The following RNF220 variants were observed in gnomAD, a reference collection of about 807,000 sequenced individuals.
The protein encoded by RNF220 is ring finger protein 220, also known as E3 ubiquitin-protein ligase RNF220.
Under a neutral mutation model 67.1 loss-of-function variants are expected in RNF220, and 7 were observed. That is an observed-to-expected ratio of 0.10 (90% confidence interval 0.06 to 0.20). The LOEUF (loss-of-function observed/expected upper bound fraction) is 0.20. RNF220 is among the 10% of genes least tolerant of loss of function. The probability of loss-of-function intolerance (pLI) is 1.00; values close to 1 mark genes in which losing one functional copy is unlikely to be tolerated. For synonymous variants in RNF220, 270 were observed against 283.2 expected (o/e 0.95, Z 0.47); for missense variants, 565 against 740.3 (o/e 0.76, Z 2.75).
At chr1:44,491,065 A>G (rs1656812004) in intron 2 of RNF220, among the ~76,000 whole-genome samples, 1 of 152,202 alleles carries the variant, frequency 6.6e-6, no homozygotes. Context: ...GACCTATAAC[A>G]ATTAAGGAAA....
At chr1:44,646,621 A>C (rs1386886099) in intron 12 of RNF220, among the ~76,000 whole-genome samples, 1 of 152,222 alleles carries the variant, frequency 6.6e-6, no homozygotes, top group Admixed American at 6.5e-5. Flanking sequence ...TAAATCAGAA[A>C]GACAAGATCA....
In RNF220 at chr1:44,624,033, T is replaced by C. The variant is rs1643878089; in HGVS notation, c.804+1246T>C. ...CTTTCAAAGGTATAGGAATGGATCG[T>C]GTACCTTCGTTTAGAAAACTGCTCA... On this transcript the variant is annotated intron_variant, in intron 4 of 14. Coordinates refer to ENST00000361799, the MANE Select transcript of RNF220 (RefSeq NM_018150.4). The surrounding 1 kb of genome is among the most constrained non-coding windows in gnomAD (Gnocchi z 4.2). 2.0e-5 allele frequency among the ~76,000 whole-genome samples: 3 copies of C among 152,224 alleles called. No individual in the cohort carries two copies. In the South Asian group the frequency reaches 6.2e-4, roughly 32 times the overall value.
At chr1:44,628,662 G>T (rs1390414114) in intron 5 of RNF220, among the ~76,000 whole-genome samples, 1 of 152,218 alleles carries the variant, frequency 6.6e-6, no homozygotes, top group African/African-American at 2.4e-5. Flanking sequence ...TACTGTCCAT[G>T]AATCCTATGG....
rs1007060686 is a variant in RNF220, at chr1:44,427,868, G to A, written c.625+15146G>A. The stretch of plus-strand genomic sequence containing the variant: ...TGTTAGCTATAATTAATATGATAAG[G>A]GGTTGGGCACAGATTTGAGGTCTCT... On this transcript the variant is annotated intron_variant, in intron 2 of 14. Transcript: ENST00000361799. Among the ~76,000 whole-genome samples the A allele has an allele frequency of 5.3e-5, 8 of 152,228 alleles. No homozygotes were observed. The Middle Eastern group carries it at 0.01, about 194-fold the overall frequency.
chr1:44,552,847 G>A (rs1247700046), intron 2 of RNF220, among the ~76,000 whole-genome samples: 1 of 152,038 alleles, frequency 6.6e-6, no homozygotes, highest in East Asian at 1.9e-4. Flanking sequence ...GGGATTACAG[G>A]CGTGAGCCAC....
In RNF220 at chr1:44,615,794, G is replaced by A. The variant is rs1020999400; in HGVS notation, c.758+1497G>A. ...AGGAAGAAATATTTAGTCATCTATC[G>A]CTGTGTTACAAACTACCCTAAAACC... On this transcript the variant is annotated intron_variant, in intron 3 of 14. Transcript: ENST00000361799. Among the ~76,000 whole-genome samples the A allele has an allele frequency of 3.9e-5, 6 of 152,288 alleles. No individual in the cohort carries two copies. The East Asian group carries it at 5.8e-4, about 15-fold the overall frequency.
intron 1 of RNF220, among the ~76,000 whole-genome samples, chr1:44,410,149 G>T (rs1647822732): frequency 2.0e-5 from 3 of 151,676 alleles, no homozygotes; most frequent in Admixed American, 1.3e-4. Context: ...ATCCTGGGGG[G>T]GGTCGTATTT....
intron 2 of RNF220, among the ~76,000 whole-genome samples, chr1:44,510,563 C>A (rs1658903674): frequency 6.6e-6 from 1 of 152,172 alleles, no homozygotes; most frequent in South Asian, 2.1e-4. Flanking sequence ...CTGACTCTTA[C>A]CCCTCCTTCC....
intron 7 of RNF220, 114 bp from the exon 8 acceptor site, chr1:44,635,916 T>C (rs1557466099): frequency 1.3e-6 from 2 of 1,542,996 alleles, no homozygotes; most frequent in South Asian, 1.2e-5. Flanking sequence ...GCCCTAGAGC[T>C]GAGGGCCCAC....
rs115638833 is a variant in RNF220 at position 44,531,362 on chromosome 1, T to C, written c.626-82803T>C. Reference sequence around the variant, plus strand: ...CTTGTCCTTTCTACCTGTTGTCCTGTTATTTCCCTTTTCCATCTAGGAAGA... The same window carrying C: ...CTTGTCCTTTCTACCTGTTGTCCTGCTATTTCCCTTTTCCATCTAGGAAGA... On this transcript the variant is annotated intron_variant, in intron 2 of 14. Transcript: ENST00000361799. 2.8e-3 allele frequency among the ~76,000 whole-genome samples: 421 copies of C among 152,350 alleles called. 2 individuals carry two copies. The highest frequency in any genetic ancestry group is 9.0e-3 in the African/African-American group (374 of 41,572).
intron 2 of RNF220, among the ~76,000 whole-genome samples, chr1:44,587,523 G>A (rs1486961515): frequency 6.6e-6 from 1 of 152,142 alleles, no homozygotes; most frequent in African/African-American, 2.4e-5. Context: ...AAAGAGATGG[G>A]GAACATTCCC....
intron 2 of RNF220, among the ~76,000 whole-genome samples, chr1:44,586,698 C>G (rs1210689449): frequency 6.6e-6 from 1 of 152,136 alleles, no homozygotes; most frequent in Non-Finnish European, 1.5e-5. Flanking sequence ...TTACACACAA[C>G]GTAGAAGACA....
intron 2 of RNF220, among the ~76,000 whole-genome samples, chr1:44,609,684 G>A (rs1038890860): frequency 3.9e-5 from 6 of 152,198 alleles, no homozygotes; most frequent in South Asian, 2.1e-4. Context: ...GTTTCGAGGC[G>A]AGAGGGCTGG....
rs146164559 is a variant in RNF220, at chr1:44,517,496, G to A, written c.626-96669G>A. Among the ~76,000 whole-genome samples, 238 of 152,150 alleles carry A rather than the reference G, an allele frequency of 1.6e-3. 2 individuals carry two copies. Among genetic ancestry groups the A allele is most frequent in the African/African-American group, 4.6e-3 (192 of 41,520 alleles). On this transcript the variant is annotated intron_variant, in intron 2 of 14. Transcript: ENST00000361799. The stretch of plus-strand genomic sequence containing the variant: ...TTTTCTTTTAACCTGGCCTTTGACT[G>A]TTGTCATCACCGACTTTTCTATTTC...
Position 44,528,429 on chromosome 1 carries a change from C to T in RNF220, c.626-85736C>T, listed in dbSNP as rs529766066. 7.9e-5 allele frequency among the ~76,000 whole-genome samples: 12 copies of T among 151,286 alleles called. No homozygotes were observed. The East Asian group carries it at 2.4e-3, about 30-fold the overall frequency. On this transcript the variant is annotated intron_variant, in intron 2 of 14. Transcript: ENST00000361799. ...CATTCTCCTGCCTCAGCCTCCCCAG[C>T]AGCTGGGACTACAGGCACACGCTGC...
chr1:44,556,982 C>A (rs1396384575), intron 2 of RNF220, among the ~76,000 whole-genome samples: 1 of 151,774 alleles, frequency 6.6e-6, no homozygotes, highest in African/African-American at 2.4e-5. Context: ...CCCCAGGGTG[C>A]CCGAAATGGC....
chr1:44,425,812 A>G lies in RNF220; in HGVS notation c.625+13090A>G, dbSNP rs374424158. On this transcript the variant is annotated intron_variant, in intron 2 of 14. Transcript: ENST00000361799. The stretch of plus-strand genomic sequence containing the variant: ...TCACATACACATAGGTACATGCAAG[A>G]TGTCTATCTACGTCTGTCTCAAGAG... Among the ~76,000 whole-genome samples, 6 of 152,158 alleles carry G rather than the reference A, an allele frequency of 3.9e-5. No individual in the cohort carries two copies. The East Asian group carries it at 1.2e-3, about 29-fold the overall frequency.
At chr1:44,525,122 A>G (rs1660262655) in intron 2 of RNF220, among the ~76,000 whole-genome samples, 1 of 152,242 alleles carries the variant, frequency 6.6e-6, no homozygotes, top group South Asian at 2.1e-4. Flanking sequence ...GGAAAAGAAA[A>G]AAAATCTTTA....
intron 2 of RNF220, among the ~76,000 whole-genome samples, chr1:44,562,732 G>A (rs997441369): frequency 3.9e-5 from 6 of 152,002 alleles, no homozygotes; most frequent in African/African-American, 1.4e-4. Context: ...GTATGCCCTC[G>A]AGGGCTCTTT....
Sources: gnomAD v4.1 joint callset for allele counts (sites outside exome capture counted in the v4.1 genomes callset) on GRCh38, gnomAD v4.1.1 for gene constraint, Gnocchi (gnomAD v3.1) non-coding constraint, MANE v1.5 for transcripts, NCBI Gene and HGNC (gene_info 2026-07-23, HGNC 2026-07-21) for gene names.